The following CCDC148 variants were observed in gnomAD, a reference collection of about 807,000 sequenced individuals.
CCDC148 encodes coiled-coil domain containing 148.
Under a neutral mutation model 85.7 loss-of-function variants are expected in CCDC148, and 89 were observed. That is an observed-to-expected ratio of 1.04 (90% confidence interval 0.87 to 1.24). The LOEUF is 1.24. Ranked by LOEUF, CCDC148 falls within the 50% of genes most tolerant of loss-of-function variation. The pLI, the probability that CCDC148 is intolerant of heterozygous loss-of-function variation, is 0.00. For missense variants in CCDC148, 692 were observed against 671.7 expected, an observed-to-expected ratio of 1.03 and a Z score of -0.33; for synonymous variants, 230 against 213.9, an observed-to-expected ratio of 1.08 and a Z score of -0.66.
At chr2:158,255,400 T>G (rs889168298) in intron 9 of CCDC148, among the ~76,000 whole-genome samples, 1 of 151,592 alleles carries the variant, frequency 6.6e-6, no homozygotes, top group Non-Finnish European at 1.5e-5. Flanking sequence ...ATCTAAGCAA[T>G]AAGGCAAAAC....
In CCDC148 at chr2:158,172,125, T is replaced by C; in HGVS notation, c.1764A>G (p.Val588=). The C allele has an allele frequency of 1.2e-6, 2 of 1,600,568 alleles. No homozygotes were observed. Among genetic ancestry groups the C allele is most frequent in the Non-Finnish European group, 1.7e-6 (2 of 1,174,612 alleles). Residue 588 remains valine (V), a synonymous_variant, in exon 14 of 14, where the codon GTA becomes GTG. Coordinates refer to ENST00000283233, the MANE Select transcript of CCDC148 (RefSeq NM_138803.4). Reference sequence around the variant, plus strand: ...TTGAGGATGAGCTCTATATTTTAAATACAGTAGACTCCATGTCCTTTCTTG... The same window carrying C: ...TTGAGGATGAGCTCTATATTTTAAACACAGTAGACTCCATGTCCTTTCTTG... ...KPPRKDMEST[V]FKI is the part of the protein sequence containing the mutation.
At position 158,309,434 on chromosome 2, in the gene CCDC148, T is replaced by G. The variant is rs759800119; in HGVS notation, c.1109A>C (p.Lys370Thr). ...QQELCADLKA[K>T]VRQWRAHQEE... Reference sequence around the variant, plus strand: ...TGAAACACCTGTGCAGCATCTTACCTTGGCTTTCAGATCAGCACACAATTC... The same window carrying G: ...TGAAACACCTGTGCAGCATCTTACCGTGGCTTTCAGATCAGCACACAATTC... The change falls in exon 9 of 14, where the codon AAG becomes ACG. Residue 370 changes from lysine to threonine, a missense_variant and splice_region_variant. Physicochemically the swap from Lys to Thr is moderately conservative, Grantham distance 78 (BLOSUM62 -1). Coordinates refer to ENST00000283233, the MANE Select transcript of CCDC148 (RefSeq NM_138803.4). 2 of 1,612,558 alleles carry G rather than the reference T, an allele frequency of 1.2e-6. No individual in the cohort carries two copies. Among genetic ancestry groups the G allele is most frequent in the African/African-American group, 2.7e-5 (2 of 74,894 alleles).
At chr2:158,397,892 C>T (rs192310550) in intron 1 of CCDC148, among the ~76,000 whole-genome samples, 12 of 152,190 alleles carry the variant, frequency 7.9e-5, no homozygotes, top group East Asian at 1.9e-4. Flanking sequence ...ACCCATCTCA[C>T]GTGCAAAGAC....
chr2:158,319,752 T>C (rs879407640), intron 7 of CCDC148, among the ~76,000 whole-genome samples: 1 of 152,108 alleles, frequency 6.6e-6, no homozygotes, highest in Non-Finnish European at 1.5e-5. Flanking sequence ...GGAAGAAAAG[T>C]ACTATGAAAG....
chr2:158,248,633 T>C (rs1262931714), intron 10 of CCDC148, among the ~76,000 whole-genome samples: 1 of 152,100 alleles, frequency 6.6e-6, no homozygotes, highest in Admixed American at 6.6e-5. Context: ...ACACCCTGCA[T>C]GAAGCTTAGC....
intron 9 of CCDC148, among the ~76,000 whole-genome samples, chr2:158,284,279 A>T (rs1574545771): frequency 1.5e-5 from 2 of 129,520 alleles, no homozygotes; most frequent in Admixed American, 1.5e-4. Flanking sequence ...GTATAATAAT[A>T]AAAAAAAAAG....
At chr2:158,200,036 T>G (rs1055280627) in intron 11 of CCDC148, among the ~76,000 whole-genome samples, 1 of 152,090 alleles carries the variant, frequency 6.6e-6, no homozygotes, top group Admixed American at 6.5e-5. Context: ...CACAGATCAT[T>G]GTGATGGCAG....
chr2:158,406,624 T>TTTTTTTTTTTGTTTTTG, intron 1 of CCDC148, among the ~76,000 whole-genome samples: 1 of 24,832 alleles, frequency 4.0e-5, no homozygotes, highest in Non-Finnish European at 8.6e-5. Context: ...TTTTTTTTTT[T>TTTTTTTTTTTGTTTTTG]TTTTTTTTTT....
chr2:158,238,316 C>A (rs1400407189), intron 10 of CCDC148, among the ~76,000 whole-genome samples: 1 of 151,882 alleles, frequency 6.6e-6, no homozygotes, highest in Non-Finnish European at 1.5e-5. Context: ...TAGACAGGAG[C>A]ATGACACGTC....
intron 7 of CCDC148, among the ~76,000 whole-genome samples, chr2:158,335,694 C>T (rs1293794446): frequency 2.6e-5 from 4 of 152,028 alleles, no homozygotes; most frequent in African/African-American, 7.2e-5. Flanking sequence ...CTCCACCTGG[C>T]CCCACCCTTG....
chr2:158,248,204 T>C (rs1688645995), intron 10 of CCDC148, among the ~76,000 whole-genome samples: 1 of 152,066 alleles, frequency 6.6e-6, no homozygotes, highest in Non-Finnish European at 1.5e-5. Context: ...CCTGGAAAGA[T>C]AGAAGTAAAA....
chr2:158,243,454 C>A (rs1224775754), intron 10 of CCDC148, among the ~76,000 whole-genome samples: 2 of 152,108 alleles, frequency 1.3e-5, no homozygotes, highest in African/African-American at 2.4e-5. Context: ...CCCAGCAGGA[C>A]CTCTGTGGAT....
At chr2:158,255,511 G>A (rs991203492) in intron 9 of CCDC148, among the ~76,000 whole-genome samples, 1 of 151,702 alleles carries the variant, frequency 6.6e-6, no homozygotes, top group Admixed American at 6.6e-5. Context: ...GGATGTGGAT[G>A]GCTTCCATGT....
chr2:158,182,443 G>T lies in CCDC148; in HGVS notation c.1371-3447C>A, dbSNP rs183719431. On this transcript the variant is annotated intron_variant, in intron 11 of 13. Transcript: ENST00000283233. ...AATTCTAGTGCAAAATAATGATTGG[G>T]TTAAACAACAGGGAGTCATTGGTGA... Among the ~76,000 whole-genome samples, 353 of 152,252 alleles carry T rather than the reference G, an allele frequency of 2.3e-3. 2 individuals are homozygous for T. Among genetic ancestry groups the T allele is most frequent in the African/African-American group, 8.2e-3 (339 of 41,550 alleles).
chr2:158,176,703 C>A (rs777373353), intron 12 of CCDC148, 42 bp from the exon 13 acceptor site: 4 of 1,604,334 alleles, frequency 2.5e-6, no homozygotes, highest in South Asian at 2.2e-5. Flanking sequence ...AAGGTACAAA[C>A]TAAATATTTC....
At chr2:158,366,345 T>A (rs1057151097) in intron 1 of CCDC148, among the ~76,000 whole-genome samples, 1 of 152,160 alleles carries the variant, frequency 6.6e-6, no homozygotes, top group Non-Finnish European at 1.5e-5. Flanking sequence ...AAAAAATTTG[T>A]TATTAGAAAG....
intron 1 of CCDC148, among the ~76,000 whole-genome samples, chr2:158,372,257 A>G (rs748145351): frequency 1.4e-4 from 22 of 151,942 alleles, no homozygotes; most frequent in Non-Finnish European, 2.5e-4. Context: ...GGGCGGGGGG[A>G]AAGGACAAAT....
At chr2:158,425,729 C>A (rs904594819) in intron 1 of CCDC148, among the ~76,000 whole-genome samples, 1 of 152,024 alleles carries the variant, frequency 6.6e-6, no homozygotes, top group Non-Finnish European at 1.5e-5. Context: ...ACAGTGACAC[C>A]CTGTTTCCCA....
intron 10 of CCDC148, among the ~76,000 whole-genome samples, chr2:158,222,891 C>T (rs1001544442): frequency 4.6e-5 from 7 of 152,076 alleles, no homozygotes; most frequent in East Asian, 1.9e-4. Flanking sequence ...CCAGGGTGAG[C>T]GAGGCAGAAG....
Sources: allele counts gnomAD v4.1 joint callset (sites outside exome capture counted in the v4.1 genomes callset), GRCh38; gene constraint gnomAD v4.1.1; transcripts MANE v1.5; gene names NCBI Gene and HGNC (gene_info 2026-07-23, HGNC 2026-07-21).